Variants in PSMA6 observed in about 807,000 individuals in gnomAD.
The protein encoded by PSMA6 is proteasome 20S subunit alpha 6.
For missense variants in PSMA6, 170 were observed against 294.8 expected (o/e 0.58, Z 3.10); for synonymous variants, 88 against 97.7 (o/e 0.90, Z 0.59).
chr14:35,314,580 T>G, intron 6 of PSMA6, 125 bp downstream of exon 6: 1 of 1,250,618 alleles, frequency 8.0e-7, no homozygotes, highest in Non-Finnish European at 1.0e-6. Flanking sequence ...TGTGTGTTTG[T>G]TTTTTTCCCC....
intron 1 of PSMA6, among the ~76,000 whole-genome samples, chr14:35,305,829 A>G (rs970684508): frequency 8.5e-5 from 13 of 152,244 alleles, no homozygotes; most frequent in African/African-American, 3.1e-4. Context: ...GGCCAGGAAC[A>G]GTGGCTCATG....
At chr14:35,293,026 A>AT in intron 1 of PSMA6, 1 of 457,114 alleles carries the variant, frequency 2.2e-6, no homozygotes, top group Non-Finnish European at 4.4e-6. Flanking sequence ...GTCCTAGGAG[A>AT]TACAAATGTG....
intron 5 of PSMA6, chr14:35,313,766 C>T (rs755391902): frequency 3.3e-5 from 5 of 152,168 alleles, no homozygotes; most frequent in Non-Finnish European, 5.9e-5. Flanking sequence ...TGAGACCATC[C>T]TGGCCAACAT....
chr14:35,305,946 C>T (rs1442342374), intron 1 of PSMA6, among the ~76,000 whole-genome samples: 1 of 151,544 alleles, frequency 6.6e-6, no homozygotes, highest in Non-Finnish European at 1.5e-5. Context: ...AATAAACAGG[C>T]CAGGCATGGT....
chr14:35,279,300 A>C (rs1288706926), intron 1 of PSMA6, among the ~76,000 whole-genome samples: 1 of 151,446 alleles, frequency 6.6e-6, no homozygotes, highest in African/African-American at 2.4e-5. Context: ...GCCCACCTCG[A>C]CCTCCCAAAG....
chr14:35,309,572 A>C (rs2051899817), intron 3 of PSMA6, among the ~76,000 whole-genome samples: 1 of 152,124 alleles, frequency 6.6e-6, no homozygotes, highest in Admixed American at 6.6e-5. Context: ...CAGGCGGATC[A>C]CTTGAGGTCA....
At chr14:35,282,705 A>G (rs2051379324) in intron 1 of PSMA6, among the ~76,000 whole-genome samples, 1 of 152,040 alleles carries the variant, frequency 6.6e-6, no homozygotes, top group Non-Finnish European at 1.5e-5. Flanking sequence ...AAAGACAAAA[A>G]TTAGCTGGGC....
chr14:35,312,636 A>G (rs958129232), intron 4 of PSMA6: 4 of 433,654 alleles, frequency 9.2e-6, no homozygotes, highest in Non-Finnish European at 1.6e-5. Flanking sequence ...TTTAAATTGT[A>G]TTTGTAATTA....
At position 35,306,608 on chromosome 14, in the gene PSMA6, G is replaced by A. The variant is rs148109167; in HGVS notation, c.77-1386G>A. 7.1e-3 allele frequency among the ~76,000 whole-genome samples: 1,085 copies of A among 152,220 alleles called. 17 individuals carry two copies. Among genetic ancestry groups the A allele is most frequent in the African/African-American group, 0.024 (991 of 41,528 alleles). On this transcript the variant is annotated intron_variant, in intron 1 of 6. Coordinates refer to ENST00000261479, the MANE Select transcript of PSMA6 (RefSeq NM_002791.3). ...AATCCCAACTACTCAGGACGAGGCC[G>A]AGGCAGGAGAATCGCTTGAGCCCGG...
chr14:35,303,992 A>T (rs1335276195), intron 1 of PSMA6, among the ~76,000 whole-genome samples: 3 of 142,442 alleles, frequency 2.1e-5, no homozygotes, highest in African/African-American at 5.3e-5. Context: ...TTTTTTTTTT[A>T]GACGGAGTCT....
intron 6 of PSMA6, chr14:35,315,581 C>A (rs1323191956): frequency 6.6e-6 from 1 of 151,834 alleles, no homozygotes; most frequent in African/African-American, 2.4e-5. Context: ...AAAAAAACAA[C>A]CGACAACACC....
intron 6 of PSMA6, chr14:35,315,409 A>C (rs1218498129): frequency 1.3e-5 from 2 of 151,822 alleles, no homozygotes; most frequent in East Asian, 3.8e-4. Flanking sequence ...AAAAAAAAAA[A>C]CAGCTGGGTG....
At chr14:35,283,579 G>A (rs529518136) in intron 1 of PSMA6, among the ~76,000 whole-genome samples, 7 of 146,848 alleles carry the variant, frequency 4.8e-5, no homozygotes, top group African/African-American at 1.8e-4. Flanking sequence ...TTTAGGAGAT[G>A]GGGTCTCACT....
chr14:35,286,037 C>T (rs772212623), intron 1 of PSMA6, among the ~76,000 whole-genome samples: 3 of 152,206 alleles, frequency 2.0e-5, no homozygotes, highest in African/African-American at 4.8e-5. Flanking sequence ...TGCGCCCCCT[C>T]CTTTCACAAA....
chr14:35,306,345 T>C (rs1298923254), intron 1 of PSMA6, among the ~76,000 whole-genome samples: 2 of 150,076 alleles, frequency 1.3e-5, no homozygotes. Context: ...TCGCTTGAGC[T>C]CAGAAGTTCA....
intron 1 of PSMA6, chr14:35,293,148 G>T (rs2138714797): frequency 2.6e-6 from 1 of 390,998 alleles, no homozygotes; most frequent in Admixed American, 3.0e-5. Flanking sequence ...CAGAGTTCAA[G>T]ACATCTTTGG....
At chr14:35,296,444 C>G (rs1408343981) in intron 1 of PSMA6, among the ~76,000 whole-genome samples, 1 of 152,122 alleles carries the variant, frequency 6.6e-6, no homozygotes, top group Non-Finnish European at 1.5e-5. Context: ...GATTCTCCTG[C>G]CTCAGCCTCC....
intron 3 of PSMA6, chr14:35,310,281 C>A: frequency 2.4e-6 from 1 of 422,510 alleles, no homozygotes; most frequent in Middle Eastern, 4.2e-4. Flanking sequence ...CTCAACCTCC[C>A]AGGTAGCTGG....
At chr14:35,280,701 C>G (rs574649131) in intron 1 of PSMA6, among the ~76,000 whole-genome samples, 1 of 152,124 alleles carries the variant, frequency 6.6e-6, no homozygotes, top group East Asian at 1.9e-4. Flanking sequence ...TGTTTCTTAA[C>G]TCTGGTCTCA....
Sources: allele counts gnomAD v4.1 joint callset (sites outside exome capture counted in the v4.1 genomes callset), GRCh38; gene constraint gnomAD v4.1.1; transcripts MANE v1.5; gene names NCBI Gene and HGNC (gene_info 2026-07-23, HGNC 2026-07-21).